The following ERC1 variants were observed in gnomAD, a reference collection of about 807,000 sequenced individuals.
The protein encoded by ERC1 is RAB6 interacting protein 2.
Under a neutral mutation model 132.0 loss-of-function variants are expected in ERC1, and 56 were observed. The ratio of observed to expected loss-of-function variants is 0.42; its 90% CI spans 0.34 to 0.53. ERC1 has a LOEUF of 0.53. Among genes scored for constraint, ERC1 ranks in the 20% least tolerant of loss-of-function variants. The probability of loss-of-function intolerance (pLI) is 0.03; values close to 1 mark genes in which losing one functional copy is unlikely to be tolerated. For synonymous variants in ERC1, 478 were observed against 476.1 expected (o/e 1.00, Z -0.05); for missense variants, 1,202 against 1,349.9 (o/e 0.89, Z 1.72).
chr12:1,424,431 A>G (rs578223939), intron 17 of ERC1, among the ~76,000 whole-genome samples: 149 of 152,344 alleles, frequency 9.8e-4, no homozygotes, highest in Non-Finnish European at 1.7e-3. Context: ...TACCAACACA[A>G]GTACAATTCT....
Position 1,272,143 on chromosome 12 carries a change from G to A in ERC1, c.2619+8978G>A, listed in dbSNP as rs79075447. Among the ~76,000 whole-genome samples the A allele has an allele frequency of 8.6e-3, 1,307 of 152,262 alleles. 18 individuals are homozygous for A. The highest frequency in any genetic ancestry group is 0.03 in the African/African-American group (1,237 of 41,540). ...CAAGTTACTTGTGGGTCAGTTCCCCGAGCTGTAAAAGAAATAGTTACTACA... is the reference window on the plus strand; with the variant it reads ...CAAGTTACTTGTGGGTCAGTTCCCCAAGCTGTAAAAGAAATAGTTACTACA... On this transcript the variant is annotated intron_variant, in intron 14 of 18. Transcript: ENST00000360905.
At chr12:1,175,062 ATAATT>A (rs774601211) in intron 8 of ERC1, among the ~76,000 whole-genome samples, 1 of 152,244 alleles carries the variant, frequency 6.6e-6, no homozygotes, top group Non-Finnish European at 1.5e-5. Flanking sequence ...AAAAATGTAC[ATAATT>A]TAATTTAAAA....
At chr12:1,402,533 AAGAG>A (rs1389996684) in intron 16 of ERC1, among the ~76,000 whole-genome samples, 1 of 152,014 alleles carries the variant, frequency 6.6e-6, no homozygotes, top group Non-Finnish European at 1.5e-5. Context: ...AAAAAAAAGA[AAGAG>A]AAAGAAAAAA....
chr12:1,192,101 T>C (rs1009191411), intron 12 of ERC1, among the ~76,000 whole-genome samples: 3 of 152,222 alleles, frequency 2.0e-5, no homozygotes, highest in African/African-American at 7.2e-5. Context: ...CTTTCTGTTC[T>C]GCCAAGGCTA....
chr12:1,011,781 C>T (rs1964719214), intron 1 of ERC1, among the ~76,000 whole-genome samples: 1 of 151,926 alleles, frequency 6.6e-6, no homozygotes, highest in Non-Finnish European at 1.5e-5. Flanking sequence ...ACCCTGTCTC[C>T]CCTAAAAATG....
intron 11 of ERC1, among the ~76,000 whole-genome samples, chr12:1,188,820 G>C (rs976657528): frequency 2.6e-5 from 4 of 151,982 alleles, no homozygotes; most frequent in African/African-American, 9.7e-5. Flanking sequence ...ACCATTTTAA[G>C]GGACTAAATA....
intron 12 of ERC1, among the ~76,000 whole-genome samples, chr12:1,191,270 C>A (rs1279730198): frequency 1.3e-5 from 2 of 152,048 alleles, no homozygotes; most frequent in African/African-American, 4.8e-5. Flanking sequence ...TTTATGTCTT[C>A]ATTTTTGCAC....
intron 17 of ERC1, among the ~76,000 whole-genome samples, chr12:1,434,521 G>T (rs1454131410): frequency 6.6e-6 from 1 of 152,188 alleles, no homozygotes; most frequent in African/African-American, 2.4e-5. Context: ...TCCCCCATGA[G>T]TATCAGTCCG....
chr12:1,061,851 A>T (rs1274349066), intron 2 of ERC1, among the ~76,000 whole-genome samples: 2 of 151,670 alleles, frequency 1.3e-5, no homozygotes, highest in East Asian at 3.9e-4. Context: ...GTTCCTTGAG[A>T]TGCATTGCTA....
intron 2 of ERC1, among the ~76,000 whole-genome samples, chr12:1,038,240 A>G (rs1270302769): frequency 6.6e-6 from 1 of 151,990 alleles, no homozygotes; most frequent in Non-Finnish European, 1.5e-5. Context: ...TTGTGGAGAA[A>G]CATTTAGGGA....
intron 16 of ERC1, among the ~76,000 whole-genome samples, chr12:1,394,445 T>C (rs2090360216): frequency 6.6e-6 from 1 of 152,180 alleles, no homozygotes; most frequent in Admixed American, 6.5e-5. Flanking sequence ...CTTGTTTTCG[T>C]GGCCTCTGTA....
Position 1,190,004 on chromosome 12 carries a change from T to A in ERC1, c.2303T>A (p.Val768Glu). 6.2e-7 allele frequency: 1 copy of A among 1,613,504 alleles called. No individual in the cohort carries two copies. ...VDRLLEILKE[V>E]ENEKNDKDKK... ...CGACTCTTAGAAATCTTGAAGGAGG[T>A]GGAAAATGAGAAGAATGACAAAGAT... is the stretch of plus-strand genomic sequence containing the variant. The change falls in exon 12 of 19, where the codon GTG becomes GAG. Residue 768 changes from valine to glutamate, a missense_variant. Transcript: ENST00000360905.
In ERC1 at chr12:1,350,066, T is replaced by C. The variant is rs952264368; in HGVS notation, c.2781-21767T>C. Among the ~76,000 whole-genome samples, 7 of 152,326 alleles carry C rather than the reference T, an allele frequency of 4.6e-5. No individual in the cohort carries two copies. In the East Asian group the frequency reaches 7.7e-4, roughly 17 times the overall value. ...GGGGCTCCTCCTGGTTTATGAGTTT[T>C]AAAGGATGAGGGAAAAATTCATCAT... On this transcript the variant is annotated intron_variant, in intron 15 of 18. Coordinates refer to ENST00000360905, the MANE Select transcript of ERC1 (RefSeq NM_178040.4).
intron 16 of ERC1, among the ~76,000 whole-genome samples, chr12:1,400,742 A>G (rs747311800): frequency 2.0e-5 from 3 of 152,068 alleles, no homozygotes; most frequent in Non-Finnish European, 4.4e-5. Context: ...TGACCATAAA[A>G]AAATGATGAT....
At chr12:1,450,825 C>T (rs79647714) in intron 18 of ERC1, among the ~76,000 whole-genome samples, 1 of 152,100 alleles carries the variant, frequency 6.6e-6, no homozygotes, top group East Asian at 1.9e-4. Context: ...TGTAGTCTTT[C>T]GTGTGTTTTT....
At chr12:1,118,199 G>A (rs916768276) in intron 7 of ERC1, among the ~76,000 whole-genome samples, 15 of 152,154 alleles carry the variant, frequency 9.9e-5, no homozygotes, top group African/African-American at 3.1e-4. Flanking sequence ...GAGGTCAGCC[G>A]CACTTCCAAG....
chr12:1,193,891 C>T (rs945235484), intron 12 of ERC1, among the ~76,000 whole-genome samples: 2 of 152,154 alleles, frequency 1.3e-5, no homozygotes, highest in African/African-American at 2.4e-5. Flanking sequence ...GATGGAATAA[C>T]TGGGCACTGT....
chr12:1,122,703 C>CTATCTCTATCTCTATCTGTGCCTA (rs1202737827), intron 7 of ERC1, among the ~76,000 whole-genome samples: 4 of 152,172 alleles, frequency 2.6e-5, no homozygotes, highest in South Asian at 2.1e-4. Context: ...ATCTAAATCT[C>CTATCTCTATCTCTATCTGTGCCTA]TGAAACAGCT....
rs1566192628 is a variant in ERC1 at position 1,190,063 on chromosome 12, G to A, written c.2351+11G>A. 6.2e-7 allele frequency: 1 copy of A among 1,606,858 alleles called. No homozygotes were observed. The highest frequency in any genetic ancestry group is 1.3e-5 in the African/African-American group (1 of 74,822). On this transcript the variant is annotated intron_variant, in intron 12 of 18. Coordinates refer to ENST00000360905, the MANE Select transcript of ERC1 (RefSeq NM_178040.4). ...AGCTGAGTTGGAAAGGTAAGAAAGT[G>A]AAGCTGATTGGGGCTTATGAGGTTA... is the stretch of plus-strand genomic sequence containing the variant.
Sources: allele counts gnomAD v4.1 joint callset (sites outside exome capture counted in the v4.1 genomes callset), GRCh38; gene constraint gnomAD v4.1.1; transcripts MANE v1.5; gene names NCBI Gene and HGNC (gene_info 2026-07-23, HGNC 2026-07-21).